The following FSTL4 variants were observed in gnomAD, a reference collection of about 807,000 sequenced individuals.
The protein encoded by FSTL4 is follistatin-related protein 4.
FSTL4 carries 28 observed loss-of-function variants against 78.2 expected under a neutral mutation model. The observed-to-expected ratio is 0.36, with a 90% CI of 0.27 to 0.49. The LOEUF (loss-of-function observed/expected upper bound fraction) is 0.49, where lower values mean the gene tolerates loss of function less well. Among genes scored for constraint, FSTL4 ranks in the 20% least tolerant of loss-of-function variants. The pLI is 0.98. For missense variants in FSTL4, 922 were observed against 1,084.9 expected (o/e 0.85, Z 2.11); for synonymous variants, 422 against 440.5 (o/e 0.96, Z 0.53).
chr5:133,670,526 T>C, the FSTL4 span, among the ~76,000 whole-genome samples: 2 of 152,182 alleles, frequency 1.3e-5, no homozygotes, highest in Non-Finnish European at 1.5e-5. Flanking sequence ...CACCCCAGAG[T>C]TGGGGGCCCC....
intron 4 of FSTL4, among the ~76,000 whole-genome samples, chr5:133,380,430 C>A (rs1037952424): frequency 1.3e-5 from 2 of 151,990 alleles, no homozygotes; most frequent in African/African-American, 2.4e-5. Flanking sequence ...ATAAATTAGA[C>A]AACTTTGATG....
At chr5:133,218,071 C>G (rs1204716436) in intron 12 of FSTL4, among the ~76,000 whole-genome samples, 2 of 152,188 alleles carry the variant, frequency 1.3e-5, no homozygotes, top group African/African-American at 4.8e-5. Flanking sequence ...ACTTCAATAA[C>G]CAACTGCCTA....
intron 3 of FSTL4, among the ~76,000 whole-genome samples, chr5:133,566,903 G>A (rs1024233995): frequency 2.0e-5 from 3 of 152,128 alleles, no homozygotes; most frequent in African/African-American, 4.8e-5. Flanking sequence ...ACTCAAGAAT[G>A]AGGCTTCTCT....
At chr5:133,468,273 C>T (rs1016554732) in intron 3 of FSTL4, among the ~76,000 whole-genome samples, 1 of 152,210 alleles carries the variant, frequency 6.6e-6, no homozygotes, top group Non-Finnish European at 1.5e-5. Flanking sequence ...TGTGGGTGTC[C>T]CTGCCCCAGG....
At chr5:133,755,778 C>T in the FSTL4 span, among the ~76,000 whole-genome samples, 1 of 152,188 alleles carries the variant, frequency 6.6e-6, no homozygotes, top group Non-Finnish European at 1.5e-5. Context: ...AAGGGGAGCA[C>T]CTGGCGGGTA....
intron 3 of FSTL4, among the ~76,000 whole-genome samples, chr5:133,564,449 C>A (rs1759983417): frequency 6.6e-6 from 1 of 152,090 alleles, no homozygotes; most frequent in African/African-American, 2.4e-5. Context: ...CTGGGAAGGG[C>A]CAGAATGAAA....
intron 3 of FSTL4, among the ~76,000 whole-genome samples, chr5:133,499,608 T>A (rs10039007): frequency 0.021 from 3,214 of 152,206 alleles, 119 homozygotes; most frequent in African/African-American, 0.074. Flanking sequence ...TGACAACTCA[T>A]ATTTGCTTCA....
the FSTL4 span, among the ~76,000 whole-genome samples, chr5:133,781,770 G>A: frequency 6.6e-6 from 1 of 152,088 alleles, no homozygotes; most frequent in African/African-American, 2.4e-5. Flanking sequence ...CAACAATTAC[G>A]GCAATTCCTA....
At chr5:133,420,060 T>C (rs1756661085) in intron 3 of FSTL4, among the ~76,000 whole-genome samples, 1 of 152,144 alleles carries the variant, frequency 6.6e-6, no homozygotes, top group Admixed American at 6.5e-5. Context: ...TACAATAAAA[T>C]ACTACTTAGC....
chr5:133,743,868 G>T, the FSTL4 span, among the ~76,000 whole-genome samples: 2 of 152,168 alleles, frequency 1.3e-5, no homozygotes, highest in Non-Finnish European at 2.9e-5. Context: ...ACCAGCAATT[G>T]GTTCAGGAAT....
intron 4 of FSTL4, among the ~76,000 whole-genome samples, chr5:133,371,788 G>T (rs771345082): frequency 6.6e-6 from 1 of 152,190 alleles, no homozygotes. Context: ...AAACACTGAG[G>T]TATGAACACT....
intron 4 of FSTL4, among the ~76,000 whole-genome samples, chr5:133,340,027 G>C (rs1293255758): frequency 6.6e-6 from 1 of 152,198 alleles, no homozygotes; most frequent in East Asian, 1.9e-4. Context: ...GTGCTCACAG[G>C]ATAGGCCGGA....
chr5:133,648,239 T>C, the FSTL4 span, among the ~76,000 whole-genome samples: 1 of 152,170 alleles, frequency 6.6e-6, no homozygotes, highest in Non-Finnish European at 1.5e-5. Flanking sequence ...AAGGAGGTGA[T>C]AGAAAATACA....
intron 3 of FSTL4, among the ~76,000 whole-genome samples, chr5:133,448,925 C>T (rs1477261589): frequency 1.3e-5 from 2 of 152,172 alleles, no homozygotes; most frequent in Non-Finnish European, 2.9e-5. Flanking sequence ...AATTCTCACC[C>T]AGATGTTTAA....
intron 3 of FSTL4, among the ~76,000 whole-genome samples, chr5:133,461,542 TAAACAAACAAAC>T (rs34238549): frequency 6.1e-4 from 92 of 151,232 alleles, no homozygotes; most frequent in Admixed American, 1.4e-3. Context: ...TTTTACTCCC[TAAACAAACAAAC>T]AAACAAACAA....
intron 2 of FSTL4, among the ~76,000 whole-genome samples, chr5:133,581,112 C>T (rs999800077): frequency 3.9e-5 from 6 of 152,158 alleles, no homozygotes; most frequent in Non-Finnish European, 7.3e-5. Context: ...ACCACTATAA[C>T]ACTTATATTA....
At chr5:133,549,289 T>C (rs1160042344) in intron 3 of FSTL4, among the ~76,000 whole-genome samples, 1 of 152,198 alleles carries the variant, frequency 6.6e-6, no homozygotes, top group Non-Finnish European at 1.5e-5. Context: ...CCTCCTTGCA[T>C]TCTGGTTACA....
the FSTL4 span, among the ~76,000 whole-genome samples, chr5:133,666,829 G>T: frequency 1.6e-4 from 25 of 152,112 alleles, no homozygotes; most frequent in Admixed American, 1.6e-3. Context: ...TGTTGAAAAA[G>T]GTTTCTTAAG....
chr5:133,741,843 T>G, the FSTL4 span, among the ~76,000 whole-genome samples: 1 of 152,186 alleles, frequency 6.6e-6, no homozygotes, highest in African/African-American at 2.4e-5. Context: ...GAGGGCAGTG[T>G]AAAACATGGT....
Sources: gnomAD v4.1 joint callset for allele counts (sites outside exome capture counted in the v4.1 genomes callset) on GRCh38, gnomAD v4.1.1 for gene constraint, MANE v1.5 for transcripts, NCBI Gene and HGNC (gene_info 2026-07-23, HGNC 2026-07-21) for gene names.